The following SNTB1 variants were observed in gnomAD, a reference collection of about 807,000 sequenced individuals.
SNTB1 encodes beta-1-syntrophin.
SNTB1 carries 36 observed loss-of-function variants against 48.9 expected under a neutral mutation model. The observed-to-expected ratio is 0.74, with a 90% CI of 0.56 to 0.97. The LOEUF (loss-of-function observed/expected upper bound fraction) is 0.97, where lower values mean the gene tolerates loss of function less well. Ranked by LOEUF, SNTB1 falls within the 50% of genes least tolerant of loss-of-function variation. SNTB1 has a pLI of 0.00. For synonymous variants in SNTB1, 299 were observed against 294.6 expected (o/e 1.01, Z -0.15); for missense variants, 786 against 703.4 (o/e 1.12, Z -1.33).
At chr8:120,618,087 C>A (rs910865578) in intron 3 of SNTB1, among the ~76,000 whole-genome samples, 1 of 152,140 alleles carries the variant, frequency 6.6e-6, no homozygotes, top group Non-Finnish European at 1.5e-5. Context: ...ACTATTTCTG[C>A]AACCCGGAAA....
At chr8:120,625,920 G>T (rs1816866477) in intron 3 of SNTB1, among the ~76,000 whole-genome samples, 1 of 152,150 alleles carries the variant, frequency 6.6e-6, no homozygotes, top group South Asian at 2.1e-4. Flanking sequence ...TCTGACTTAG[G>T]TAATTTTTTT....
chr8:120,808,844 C>T (rs901654798), intron 1 of SNTB1, among the ~76,000 whole-genome samples: 10 of 151,994 alleles, frequency 6.6e-5, no homozygotes, highest in Admixed American at 4.6e-4. Flanking sequence ...GGTTGGAGTA[C>T]TAAACTAATC....
intron 3 of SNTB1, among the ~76,000 whole-genome samples, chr8:120,590,685 C>CTTTTT (rs1255676747): frequency 1.6e-4 from 16 of 99,912 alleles, no homozygotes; most frequent in East Asian, 5.2e-4. Context: ...CTTTTCTTTT[C>CTTTTT]TTTTTTTTTT....
At chr8:120,544,344 G>A (rs557708652) in intron 5 of SNTB1, among the ~76,000 whole-genome samples, 24 of 152,152 alleles carry the variant, frequency 1.6e-4, no homozygotes, top group South Asian at 6.2e-4. Flanking sequence ...GGATGGAATC[G>A]GTTATCTGAA....
chr8:120,759,047 A>G, intron 1 of SNTB1, among the ~76,000 whole-genome samples: 1 of 152,140 alleles, frequency 6.6e-6, no homozygotes. Context: ...CAAGGATTAC[A>G]GGCATGAGCC....
intron 3 of SNTB1, among the ~76,000 whole-genome samples, chr8:120,595,963 C>G (rs1402529092): frequency 1.3e-5 from 2 of 152,158 alleles, no homozygotes; most frequent in Non-Finnish European, 2.9e-5. Context: ...GATTGGGACC[C>G]CTTTCCTGTA....
intron 2 of SNTB1, among the ~76,000 whole-genome samples, chr8:120,658,456 T>C (rs1205268546): frequency 6.6e-6 from 1 of 152,210 alleles, no homozygotes; most frequent in Non-Finnish European, 1.5e-5. Flanking sequence ...TATCATGGGT[T>C]CAGTTCCAGA....
At chr8:120,570,946 A>G (rs1563820055) in intron 4 of SNTB1, 1 of 178,924 alleles carries the variant, frequency 5.6e-6, no homozygotes, top group Non-Finnish European at 1.2e-5. Context: ...TTTACTGCAA[A>G]TGGTTCCTTA....
At chr8:120,653,077 A>G (rs1587065267) in intron 2 of SNTB1, among the ~76,000 whole-genome samples, 3 of 152,182 alleles carry the variant, frequency 2.0e-5, no homozygotes. Context: ...ACTGGAGTAC[A>G]TGGTCTCTGC....
intron 1 of SNTB1, among the ~76,000 whole-genome samples, chr8:120,745,404 C>T (rs1819110632): frequency 1.3e-5 from 2 of 152,128 alleles, no homozygotes; most frequent in African/African-American, 4.8e-5. Flanking sequence ...CCCCATCCTA[C>T]AGACGGAGAG....
chr8:120,547,267 C>G (rs898126031), intron 5 of SNTB1, among the ~76,000 whole-genome samples: 2 of 151,998 alleles, frequency 1.3e-5, no homozygotes, highest in Non-Finnish European at 2.9e-5. Flanking sequence ...CTGGTCTTGC[C>G]TGAATCAATT....
intron 1 of SNTB1, among the ~76,000 whole-genome samples, chr8:120,802,113 C>T (rs1040770062): frequency 3.9e-5 from 6 of 151,964 alleles, no homozygotes; most frequent in Non-Finnish European, 7.4e-5. Flanking sequence ...TGGGATTTCA[C>T]GAAGCACAGG....
At chr8:120,610,876 T>A (rs984801779) in intron 3 of SNTB1, among the ~76,000 whole-genome samples, 1 of 152,178 alleles carries the variant, frequency 6.6e-6, no homozygotes, top group Non-Finnish European at 1.5e-5. Flanking sequence ...CACCTGATGA[T>A]CAGCCAACAC....
chr8:120,773,616 A>G lies in SNTB1; in HGVS notation c.571+37657T>C, dbSNP rs568532695. Among the ~76,000 whole-genome samples, 3 of 152,348 alleles carry G rather than the reference A, an allele frequency of 2.0e-5. No individual in the cohort carries two copies. The South Asian group carries it at 6.2e-4, about 32-fold the overall frequency. On this transcript the variant is annotated intron_variant, in intron 1 of 6. Transcript: ENST00000517992. ...AATCCCTAAGTTAATAGGGAAAAAA[A>G]TGTGTAAACAAATAATTATGATACA...
chr8:120,565,313 T>A (rs1478725821), intron 4 of SNTB1, among the ~76,000 whole-genome samples: 3 of 152,190 alleles, frequency 2.0e-5, no homozygotes, highest in Admixed American at 6.5e-5. Context: ...TTCTAAGCAG[T>A]TTACATGATC....
At chr8:120,640,315 C>A (rs1817168107) in intron 2 of SNTB1, among the ~76,000 whole-genome samples, 1 of 152,232 alleles carries the variant, frequency 6.6e-6, no homozygotes, top group Non-Finnish European at 1.5e-5. Context: ...ACAATCATGT[C>A]ATCTGCAAAC....
Position 120,811,949 on chromosome 8 carries a change from C to T in SNTB1, c.-106G>A, listed in dbSNP as rs867249295. 6 of 1,273,226 alleles carry T rather than the reference C, an allele frequency of 4.7e-6. No individual in the cohort carries two copies. Among genetic ancestry groups the T allele is most frequent in the Middle Eastern group, 3.0e-4 (1 of 3,332 alleles). 78.9% of individuals were successfully genotyped at this position (1,273,226 alleles called of 1,614,324 possible). Reference sequence around the variant, plus strand: ...CCCGGGGGAGCGAGGAGAGTGCGTCCCGCGGGGAGGTGGCGGCACGCGGGA... The same window carrying T: ...CCCGGGGGAGCGAGGAGAGTGCGTCTCGCGGGGAGGTGGCGGCACGCGGGA... On this transcript the variant is annotated 5_prime_UTR_variant, in exon 1 of 7. Coordinates refer to ENST00000517992, the MANE Select transcript of SNTB1 (RefSeq NM_021021.4).
At position 120,542,002 on chromosome 8, in the gene SNTB1, TGAGAGAGAAA is replaced by T. The variant is rs1399580622; in HGVS notation, c.1334-12_1334-3del. ...ACTCCTGGTTTTTGTAGGTGCAAGC[TGAGAGAGAAA>T]GAGAGAGAAAAAGAGACAAGTATGA... On this transcript the variant is annotated splice_polypyrimidine_tract_variant and splice_region_variant and intron_variant, in intron 5 of 6. Coordinates refer to ENST00000517992, the MANE Select transcript of SNTB1 (RefSeq NM_021021.4). 1.2e-6 allele frequency: 2 copies of T among 1,611,928 alleles called. No homozygotes were observed. The highest frequency in any genetic ancestry group is 2.7e-5 in the African/African-American group (2 of 74,766).
intron 1 of SNTB1, among the ~76,000 whole-genome samples, chr8:120,775,059 C>G (rs1157086895): frequency 1.3e-5 from 2 of 152,150 alleles, no homozygotes; most frequent in African/African-American, 4.8e-5. Flanking sequence ...TTAGAGACTT[C>G]AGGGAAAATA....
Sources: allele counts gnomAD v4.1 joint callset (sites outside exome capture counted in the v4.1 genomes callset), GRCh38; gene constraint gnomAD v4.1.1; transcripts MANE v1.5; gene names NCBI Gene and HGNC (gene_info 2026-07-23, HGNC 2026-07-21).